Variants in NEK1 observed in about 807,000 individuals in gnomAD.
NEK1 encodes NIMA related kinase 1, also known as serine/threonine-protein kinase Nek1.
NEK1 carries 137 observed loss-of-function variants against 182.1 expected under a neutral mutation model. The ratio of observed to expected loss-of-function variants is 0.75; its 90% CI spans 0.65 to 0.87. The LOEUF (loss-of-function observed/expected upper bound fraction) is 0.87, where lower values mean the gene tolerates loss of function less well. Ranked by LOEUF, NEK1 falls within the 40% of genes least tolerant of loss-of-function variation. The pLI, the probability that NEK1 is intolerant of heterozygous loss-of-function variation, is 0.00. For missense variants in NEK1, 1,391 were observed against 1,494.4 expected (o/e 0.93, Z 1.14); for synonymous variants, 513 against 492.2 (o/e 1.04, Z -0.56).
At chr4:169,479,683 C>T (rs1438052835) in intron 23 of NEK1, 149 bp from the exon 24 acceptor site, 2 of 649,472 alleles carry the variant, frequency 3.1e-6, no homozygotes, top group Non-Finnish European at 5.1e-6. Flanking sequence ...CATTATGATG[C>T]TACATGCTGG....
At chr4:169,521,373 G>T (rs1254562173) in intron 19 of NEK1, among the ~76,000 whole-genome samples, 1 of 138,056 alleles carries the variant, frequency 7.2e-6, no homozygotes, top group Admixed American at 7.3e-5. Flanking sequence ...CTCGCGCACG[G>T]TGCGCACACA....
chr4:169,397,982 G>T (rs571558614), intron 35 of NEK1, among the ~76,000 whole-genome samples: 1 of 152,126 alleles, frequency 6.6e-6, no homozygotes, highest in African/African-American at 2.4e-5. Flanking sequence ...AATAGAATTG[G>T]TTTGATACAC....
chr4:169,508,867 A>G lies in NEK1; in HGVS notation c.1666-15T>C, dbSNP rs1439613748. On this transcript the variant is annotated splice_polypyrimidine_tract_variant and intron_variant, in intron 19 of 35. Coordinates refer to ENST00000507142, the MANE Select transcript of NEK1 (RefSeq NM_001199397.3). ...TGCAGGATTCCCTGTTTATCATTTA[A>G]TGTACTAAGTTTAAAGAATGACTAA... 6.4e-7 allele frequency: 1 copy of G among 1,568,696 alleles called. No individual in the cohort carries two copies. Among genetic ancestry groups the G allele is most frequent in the Non-Finnish European group, 8.6e-7 (1 of 1,160,448 alleles).
intron 31 of NEK1, among the ~76,000 whole-genome samples, chr4:169,416,207 A>T (rs760288082): frequency 1.3e-5 from 2 of 152,292 alleles, no homozygotes; most frequent in South Asian, 2.1e-4. Flanking sequence ...ATGACAGTTA[A>T]TTTTGCTTTA....
intron 31 of NEK1, among the ~76,000 whole-genome samples, chr4:169,416,120 G>A (rs1734504219): frequency 6.6e-6 from 1 of 152,182 alleles, no homozygotes; most frequent in South Asian, 2.1e-4. Flanking sequence ...AAGAATGACT[G>A]GAATCTTACC....
intron 5 of NEK1, among the ~76,000 whole-genome samples, chr4:169,595,012 T>C (rs1183121558): frequency 6.6e-6 from 1 of 152,120 alleles, no homozygotes; most frequent in African/African-American, 2.4e-5. Context: ...AATAGGCCTT[T>C]GCTGCTTGAT....
intron 23 of NEK1, among the ~76,000 whole-genome samples, chr4:169,494,468 G>A (rs1286360403): frequency 3.3e-5 from 5 of 152,152 alleles, no homozygotes; most frequent in Admixed American, 6.5e-5. Flanking sequence ...TGGTGTATAT[G>A]TGCCACATAT....
At chr4:169,605,078 AAAATT>A (rs1771116196) in intron 2 of NEK1, among the ~76,000 whole-genome samples, 1 of 152,216 alleles carries the variant, frequency 6.6e-6, no homozygotes, top group African/African-American at 2.4e-5. Flanking sequence ...CTAAATTTCA[AAAATT>A]AAATTAAATA....
rs550074604 is a variant in NEK1 at position 169,467,131 on chromosome 4, T to A, written c.2435-3736A>T. Among the ~76,000 whole-genome samples the A allele has an allele frequency of 3.9e-3, 580 of 149,066 alleles. 6 individuals are homozygous for A. Among genetic ancestry groups the A allele is most frequent in the Non-Finnish European group, 6.1e-3 (414 of 68,010 alleles). On this transcript the variant is annotated intron_variant, in intron 26 of 35. Coordinates refer to ENST00000507142, the MANE Select transcript of NEK1 (RefSeq NM_001199397.3). ...TCATTCTCTTAGTAACATTTTCTTTTCTCTTGATTCCTATTATGAGAATAT... is the reference window on the plus strand; with the variant it reads ...TCATTCTCTTAGTAACATTTTCTTTACTCTTGATTCCTATTATGAGAATAT...
At chr4:169,405,319 ATCTG>A (rs1732408779) in intron 32 of NEK1, among the ~76,000 whole-genome samples, 1 of 152,224 alleles carries the variant, frequency 6.6e-6, no homozygotes, top group Non-Finnish European at 1.5e-5. Flanking sequence ...ACACAATGCT[ATCTG>A]TCTATTCTAA....
At chr4:169,450,717 A>G (rs955851060) in intron 27 of NEK1, among the ~76,000 whole-genome samples, 5 of 152,264 alleles carry the variant, frequency 3.3e-5, no homozygotes, top group African/African-American at 1.2e-4. Context: ...CAAATTATAA[A>G]GACCACTGAT....
intron 18 of NEK1, among the ~76,000 whole-genome samples, chr4:169,552,091 A>C (rs912256409): frequency 4.6e-5 from 7 of 152,110 alleles, no homozygotes; most frequent in African/African-American, 1.7e-4. Context: ...GAGTAGTGAA[A>C]GTTGTTGCTC....
chr4:169,428,351 G>GATATATATATATATAT (rs60550267), intron 29 of NEK1, among the ~76,000 whole-genome samples: 10,921 of 92,594 alleles, frequency 0.12, 1,337 homozygotes, highest in Admixed American at 0.18. Flanking sequence ...AAATATATGG[G>GATATATATATATATAT]ATATATATAT....
At chr4:169,406,838 C>G in intron 31 of NEK1, 91 bp from the exon 32 acceptor site, 1 of 1,058,340 alleles carries the variant, frequency 9.4e-7, no homozygotes, top group Non-Finnish European at 1.3e-6. Flanking sequence ...AATTTTGTTA[C>G]ATATGTGTAA....
intron 4 of NEK1, 61 bp from the exon 5 acceptor site, chr4:169,599,258 T>TA (rs1161395005): frequency 3.4e-6 from 4 of 1,191,076 alleles, no homozygotes; most frequent in Non-Finnish European, 4.8e-6. Flanking sequence ...ATGGCTAAAT[T>TA]AAAAGTACTT....
At chr4:169,420,737 CAGT>C (rs558849763) in intron 31 of NEK1, among the ~76,000 whole-genome samples, 110 of 151,946 alleles carry the variant, frequency 7.2e-4, no homozygotes, top group Non-Finnish European at 1.2e-3. Context: ...TGAAAACAAA[CAGT>C]AGAGATAAAA....
At chr4:169,588,278 C>T (rs1767858796) in intron 8 of NEK1, among the ~76,000 whole-genome samples, 1 of 152,104 alleles carries the variant, frequency 6.6e-6, no homozygotes, top group African/African-American at 2.4e-5. Context: ...TTAATACCTA[C>T]ATCTCCCAAA....
At chr4:169,448,877 G>A (rs1039296895) in intron 27 of NEK1, among the ~76,000 whole-genome samples, 3 of 152,280 alleles carry the variant, frequency 2.0e-5, no homozygotes, top group African/African-American at 7.2e-5. Context: ...GAAGCGCAAT[G>A]AGTCGGGGGA....
chr4:169,562,414 C>T (rs1052100233), intron 12 of NEK1, among the ~76,000 whole-genome samples: 3 of 151,948 alleles, frequency 2.0e-5, no homozygotes, highest in Non-Finnish European at 4.4e-5. Context: ...AAGGGTCCTT[C>T]CCCAATCATC....
Sources: gnomAD v4.1 joint callset for allele counts (sites outside exome capture counted in the v4.1 genomes callset) on GRCh38, gnomAD v4.1.1 for gene constraint, MANE v1.5 for transcripts, NCBI Gene and HGNC (gene_info 2026-07-23, HGNC 2026-07-21) for gene names.